Variants in CTNNA3 observed in about 807,000 individuals in gnomAD.
The protein encoded by CTNNA3 is catenin alpha 3, also known as catenin alpha-3.
In CTNNA3, 76 loss-of-function variants were observed where a neutral mutation model predicts 95.7. The ratio of observed to expected loss-of-function variants is 0.79; its 90% confidence interval spans 0.66 to 0.96. CTNNA3 has a LOEUF of 0.96. Among genes scored for constraint, CTNNA3 ranks in the 40% least tolerant of loss-of-function variants. The pLI is 0.00. For missense variants in CTNNA3, 1,191 were observed against 1,089.8 expected (o/e 1.09, Z -1.31); for synonymous variants, 431 against 374.4 (o/e 1.15, Z -1.74).
At chr10:67,479,949 AT>A (rs1468456205) in intron 5 of CTNNA3, among the ~76,000 whole-genome samples, 1 of 152,214 alleles carries the variant, frequency 6.6e-6, no homozygotes. Flanking sequence ...CTCAGAGACT[AT>A]TATGAACACC....
chr10:66,569,251 C>A (rs546651030), intron 10 of CTNNA3, among the ~76,000 whole-genome samples: 1 of 152,236 alleles, frequency 6.6e-6, no homozygotes, highest in South Asian at 2.1e-4. Context: ...TATTTCTTAG[C>A]TGCGCCAGCC....
intron 17 of CTNNA3, among the ~76,000 whole-genome samples, chr10:65,924,345 T>C (rs2077133939): frequency 6.6e-6 from 1 of 152,130 alleles, no homozygotes; most frequent in South Asian, 2.1e-4. Context: ...ACCCTGCATC[T>C]TGATTATGCT....
intron 7 of CTNNA3, among the ~76,000 whole-genome samples, chr10:66,884,255 G>A (rs550734595): frequency 9.2e-5 from 14 of 152,196 alleles, no homozygotes; most frequent in South Asian, 4.1e-4. Flanking sequence ...AAAAAACACC[G>A]AAACCATAGC....
chr10:67,226,064 A>C (rs1418186851), intron 5 of CTNNA3, among the ~76,000 whole-genome samples: 6 of 152,228 alleles, frequency 3.9e-5, no homozygotes, highest in Non-Finnish European at 8.8e-5. Context: ...GACACACTTT[A>C]GTAATGCAAG....
intron 12 of CTNNA3, among the ~76,000 whole-genome samples, chr10:66,291,427 G>T (rs1356199981): frequency 6.6e-6 from 1 of 152,102 alleles, no homozygotes; most frequent in Non-Finnish European, 1.5e-5. Flanking sequence ...AACTGATGTG[G>T]ATACTGCTAG....
chr10:67,681,686 C>G (rs1481673707), intron 1 of CTNNA3, among the ~76,000 whole-genome samples: 2 of 151,874 alleles, frequency 1.3e-5, no homozygotes, highest in East Asian at 3.8e-4. Context: ...AAGCAAAACT[C>G]AAAACCCAGA....
In CTNNA3 at chr10:67,225,460, C is replaced by T. The variant is rs752729804; in HGVS notation, c.580-5590G>A. Reference sequence around the variant, plus strand: ...AAACCACCAAAGCTAAGAACCCTCACGGAGTCCACTGCACCCCGCTGCCAC... The same window carrying T: ...AAACCACCAAAGCTAAGAACCCTCATGGAGTCCACTGCACCCCGCTGCCAC... On this transcript the variant is annotated intron_variant, in intron 5 of 17. Transcript: ENST00000433211. Among the ~76,000 whole-genome samples the T allele has an allele frequency of 6.6e-5, 10 of 152,326 alleles. No individual in the cohort carries two copies. In the East Asian group the frequency reaches 1.2e-3, roughly 18 times the overall value.
chr10:66,849,640 G>A (rs896098683), intron 7 of CTNNA3, among the ~76,000 whole-genome samples: 8 of 152,102 alleles, frequency 5.3e-5, no homozygotes, highest in African/African-American at 1.9e-4. Context: ...TACAGAAACA[G>A]AGAATAAGGC....
chr10:66,633,521 A>T (rs1845224710), intron 9 of CTNNA3, among the ~76,000 whole-genome samples: 1 of 152,048 alleles, frequency 6.6e-6, no homozygotes. Flanking sequence ...TCTACTAAAA[A>T]TACAAAAAAT....
chr10:66,846,331 T>A (rs552470330), intron 7 of CTNNA3, among the ~76,000 whole-genome samples: 1 of 152,246 alleles, frequency 6.6e-6, no homozygotes, highest in East Asian at 1.9e-4. Flanking sequence ...TACAGTTGCT[T>A]ATCAATGGGC....
intron 10 of CTNNA3, among the ~76,000 whole-genome samples, chr10:66,539,887 A>C (rs1039053357): frequency 6.6e-6 from 1 of 152,274 alleles, no homozygotes; most frequent in South Asian, 2.1e-4. Context: ...TAGGCACATT[A>C]AATATTTAAA....
chr10:66,160,323 A>C (rs998644320), intron 13 of CTNNA3, among the ~76,000 whole-genome samples: 1 of 151,996 alleles, frequency 6.6e-6, no homozygotes, highest in Non-Finnish European at 1.5e-5. Flanking sequence ...TAGGGCTATG[A>C]ACTTTCCTTT....
At chr10:66,145,760 T>G (rs1425079632) in intron 13 of CTNNA3, among the ~76,000 whole-genome samples, 1 of 152,196 alleles carries the variant, frequency 6.6e-6, no homozygotes, top group Non-Finnish European at 1.5e-5. Context: ...TTTTTTTTCA[T>G]AAGCATTGCT....
intron 12 of CTNNA3, among the ~76,000 whole-genome samples, chr10:66,320,169 A>G (rs1452603995): frequency 6.6e-6 from 1 of 152,030 alleles, no homozygotes; most frequent in Non-Finnish European, 1.5e-5. Flanking sequence ...TATCACTATC[A>G]TCTTCATTTT....
intron 5 of CTNNA3, among the ~76,000 whole-genome samples, chr10:67,405,703 C>G (rs950842160): frequency 6.6e-6 from 1 of 152,130 alleles, no homozygotes; most frequent in Non-Finnish European, 1.5e-5. Context: ...TCAAGTGGAA[C>G]TGACAGATAT....
At chr10:67,417,220 G>C (rs1845578113) in intron 5 of CTNNA3, among the ~76,000 whole-genome samples, 1 of 152,092 alleles carries the variant, frequency 6.6e-6, no homozygotes, top group African/African-American at 2.4e-5. Flanking sequence ...TACCACGTTT[G>C]CACTTATAAG....
chr10:66,174,290 T>C (rs574082176), intron 13 of CTNNA3, among the ~76,000 whole-genome samples: 107 of 152,214 alleles, frequency 7.0e-4, no homozygotes, highest in Non-Finnish European at 1.5e-3. Flanking sequence ...AATGGTAAAA[T>C]ATAACAAAGA....
At chr10:67,513,160 A>G (rs2133135142) in intron 5 of CTNNA3, among the ~76,000 whole-genome samples, 1 of 152,284 alleles carries the variant, frequency 6.6e-6, no homozygotes, top group South Asian at 2.1e-4. Flanking sequence ...GGATTATTCC[A>G]TAGTCCCAAT....
At chr10:66,892,365 A>G (rs1845302556) in intron 7 of CTNNA3, among the ~76,000 whole-genome samples, 1 of 152,136 alleles carries the variant, frequency 6.6e-6, no homozygotes, top group Admixed American at 6.5e-5. Flanking sequence ...TTAATTATGT[A>G]GTGCAATTTC....
Sources: gnomAD v4.1 joint callset for allele counts (sites outside exome capture counted in the v4.1 genomes callset) on GRCh38, gnomAD v4.1.1 for gene constraint, MANE v1.5 for transcripts, NCBI Gene and HGNC (gene_info 2026-07-23, HGNC 2026-07-21) for gene names.